The following ADAMTSL1 variants were observed in gnomAD, a reference collection of about 807,000 sequenced individuals.
The protein encoded by ADAMTSL1 is ADAMTS like 1, also known as ADAMTS-like protein 1.
A neutral mutation model predicts 201.8 loss-of-function variants in ADAMTSL1; 126 were observed. That is an observed-to-expected ratio of 0.62 (90% CI 0.54 to 0.72). The LOEUF is 0.72. ADAMTSL1 is among the 30% of genes least tolerant of loss of function. The probability of loss-of-function intolerance (pLI) is 0.00; values close to 1 mark genes in which losing one functional copy is unlikely to be tolerated. For missense variants in ADAMTSL1, 2,679 were observed against 2,277.8 expected (o/e 1.18, Z -3.59); for synonymous variants, 1,121 against 903.4 (o/e 1.24, Z -4.32).
intron 4 of ADAMTSL1, among the ~76,000 whole-genome samples, chr9:18,614,256 G>A (rs1249855108): frequency 6.6e-6 from 1 of 152,086 alleles, no homozygotes; most frequent in Non-Finnish European, 1.5e-5. Context: ...CGCCAGGTGT[G>A]GGGAGGATGT....
chr9:18,683,423 G>A (rs1157515510), intron 12 of ADAMTSL1, among the ~76,000 whole-genome samples: 4 of 151,724 alleles, frequency 2.6e-5, no homozygotes, highest in Admixed American at 6.6e-5. Context: ...GGTAGAGACG[G>A]GGTTTCACCT....
chr9:18,452,925 T>G (rs550760703), intron 2 of ADAMTSL1, among the ~76,000 whole-genome samples: 1 of 152,324 alleles, frequency 6.6e-6, no homozygotes, highest in South Asian at 2.1e-4. Flanking sequence ...AGCTGGTAGC[T>G]CTATAGTTCT....
chr9:18,278,476 C>G (rs72684993), intron 2 of ADAMTSL1, among the ~76,000 whole-genome samples: 722 of 152,184 alleles, frequency 4.7e-3, no homozygotes, highest in Non-Finnish European at 7.7e-3. Flanking sequence ...ACTACATCAC[C>G]CTACTCTCTC....
chr9:18,115,877 C>A (rs951070819), intron 1 of ADAMTSL1, among the ~76,000 whole-genome samples: 2 of 152,146 alleles, frequency 1.3e-5, no homozygotes, highest in Non-Finnish European at 2.9e-5. Flanking sequence ...TGTTTCCCTT[C>A]ATAAAGGAAA....
intron 1 of ADAMTSL1, among the ~76,000 whole-genome samples, chr9:18,009,095 C>A (rs1436623139): frequency 6.6e-6 from 1 of 151,956 alleles, no homozygotes; most frequent in Non-Finnish European, 1.5e-5. Context: ...GTCATTCATG[C>A]CCTTACTCAT....
intron 2 of ADAMTSL1, among the ~76,000 whole-genome samples, chr9:18,243,009 C>T (rs1831127290): frequency 1.3e-5 from 2 of 151,956 alleles, no homozygotes; most frequent in Admixed American, 1.3e-4. Flanking sequence ...TCATATGGAA[C>T]CATAAAAGAC....
At chr9:18,390,180 G>T (rs1837983561) in intron 2 of ADAMTSL1, among the ~76,000 whole-genome samples, 1 of 152,060 alleles carries the variant, frequency 6.6e-6, no homozygotes, top group South Asian at 2.1e-4. Context: ...CTAATATAGG[G>T]CAGGAAGGGG....
intron 4 of ADAMTSL1, among the ~76,000 whole-genome samples, chr9:18,585,409 A>G (rs1823417969): frequency 6.6e-6 from 1 of 152,172 alleles, no homozygotes. Flanking sequence ...AAATTTTATT[A>G]TTTTTAGTGA....
intron 1 of ADAMTSL1, among the ~76,000 whole-genome samples, chr9:17,977,555 T>A (rs932651605): frequency 6.6e-6 from 1 of 152,124 alleles, no homozygotes; most frequent in Non-Finnish European, 1.5e-5. Flanking sequence ...TATCCACTTT[T>A]TTATAGGTTA....
chr9:18,147,639 CAT>C (rs1406923457), intron 1 of ADAMTSL1, among the ~76,000 whole-genome samples: 1 of 152,096 alleles, frequency 6.6e-6, no homozygotes, highest in Non-Finnish European at 1.5e-5. Flanking sequence ...TAGGACTTTC[CAT>C]AGAGTCTTGC....
chr9:18,703,195 G>A (rs1832025436), intron 13 of ADAMTSL1, among the ~76,000 whole-genome samples: 1 of 152,082 alleles, frequency 6.6e-6, no homozygotes, highest in Non-Finnish European at 1.5e-5. Context: ...TTCTAGCTCA[G>A]CAAGTGCTGT....
Position 18,676,157 on chromosome 9 carries a change from C to G in ADAMTSL1, c.1136+250C>G, listed in dbSNP as rs1314077874. Among the ~76,000 whole-genome samples, 34 of 152,064 alleles carry G rather than the reference C, an allele frequency of 2.2e-4. 1 individual carries two copies. Among genetic ancestry groups the G allele is most frequent in the Admixed American group, 2.2e-3 (34 of 15,240 alleles). The stretch of plus-strand genomic sequence containing the variant: ...ACTGGAGTGAAAACAGTAATTCACT[C>G]TGATTAGATACAGTTTATGGGTTTA... On this transcript the variant is annotated intron_variant, in intron 10 of 28. Transcript: ENST00000380548.
chr9:18,099,354 TA>T (rs34967724), intron 1 of ADAMTSL1, among the ~76,000 whole-genome samples: 11,202 of 53,140 alleles, frequency 0.21, 669 homozygotes, highest in Non-Finnish European at 0.26. Flanking sequence ...TATATATATA[TA>T]TTTTTTTTTT....
chr9:18,377,297 G>A (rs1160122242), intron 2 of ADAMTSL1, among the ~76,000 whole-genome samples: 3 of 152,174 alleles, frequency 2.0e-5, no homozygotes, highest in African/African-American at 7.2e-5. Flanking sequence ...AACTGCGTAA[G>A]TGCATAGAAT....
In ADAMTSL1 at chr9:18,721,639, C is replaced by T. The variant is rs765471262; in HGVS notation, c.1980C>T (p.Ser660=). ...TSRRPPQLLK[S]CNLDPCPARW... ...GCCGGCCCCCACAGCTCCTGAAGTC[C>T]TGCAATTTGGATCCCTGCCCAGCAA... The change falls in exon 15 of 29, where the codon TCC becomes TCT. Residue 660 remains serine (S), a synonymous_variant. Coordinates refer to ENST00000380548, the MANE Select transcript of ADAMTSL1 (RefSeq NM_001040272.6). 21 of 1,613,854 alleles carry T rather than the reference C, an allele frequency of 1.3e-5. No homozygotes were observed. The highest frequency in any genetic ancestry group is 1.8e-5 in the Non-Finnish European group (21 of 1,179,874).
At chr9:18,697,820 T>C (rs532808299) in intron 13 of ADAMTSL1, among the ~76,000 whole-genome samples, 6 of 152,302 alleles carry the variant, frequency 3.9e-5, no homozygotes, top group Non-Finnish European at 5.9e-5. Context: ...TGGAAGACGA[T>C]AGGGTTACTG....
chr9:18,394,898 G>GA (rs1817688503), intron 2 of ADAMTSL1, among the ~76,000 whole-genome samples: 1 of 152,170 alleles, frequency 6.6e-6, no homozygotes, highest in South Asian at 2.1e-4. Context: ...AGGGCTGTGG[G>GA]AAAAAAGTCT....
chr9:18,558,246 G>T (rs1821232128), intron 3 of ADAMTSL1, among the ~76,000 whole-genome samples: 1 of 152,180 alleles, frequency 6.6e-6, no homozygotes, highest in African/African-American at 2.4e-5. Context: ...ACTTATGAGT[G>T]AGAACATTCA....
chr9:18,535,723 G>A (rs1819726235), intron 3 of ADAMTSL1, among the ~76,000 whole-genome samples: 3 of 152,164 alleles, frequency 2.0e-5, no homozygotes, highest in Admixed American at 6.5e-5. Flanking sequence ...GGCAGAAGGG[G>A]AAGCAAACAC....
Sources: allele counts gnomAD v4.1 joint callset (sites outside exome capture counted in the v4.1 genomes callset), GRCh38; gene constraint gnomAD v4.1.1; transcripts MANE v1.5; gene names NCBI Gene and HGNC (gene_info 2026-07-23, HGNC 2026-07-21).